LPCAT1: variants seen among roughly 807,000 people sequenced by gnomAD.
The protein encoded by LPCAT1 is 1-acylglycerol-3-phosphate O-acyltransferase.
A neutral mutation model predicts 60.9 loss-of-function variants in LPCAT1; 23 were observed. The ratio of observed to expected loss-of-function variants is 0.38; its 90% CI spans 0.27 to 0.53. The LOEUF (loss-of-function observed/expected upper bound fraction) is 0.53. LPCAT1 is among the 20% of genes least tolerant of loss of function. LPCAT1 has a pLI of 0.82. For missense variants in LPCAT1, 622 were observed against 723.6 expected (o/e 0.86, Z 1.61); for synonymous variants, 340 against 301.1 (o/e 1.13, Z -1.34).
intron 11 of LPCAT1, 47 bp from the exon 12 acceptor site, chr5:1,470,971 TG>T: frequency 6.5e-7 from 1 of 1,539,420 alleles, no homozygotes; most frequent in Non-Finnish European, 8.9e-7. Flanking sequence ...CCTTCGGCAC[TG>T]GAGAAACGCC....
chr5:1,496,040 A>T lies in LPCAT1; in HGVS notation c.279-1126T>A, dbSNP rs1021053090. Among the ~76,000 whole-genome samples the T allele has an allele frequency of 2.0e-5, 3 of 152,162 alleles. No individual in the cohort carries two copies. The highest frequency in any genetic ancestry group is 7.2e-5 in the African/African-American group (3 of 41,428). ...GGATTACACAGGTGTGCACTTCTTCACCACCTGTTCAGCTGCATATTTAAA... is the reference window on the plus strand; with the variant it reads ...GGATTACACAGGTGTGCACTTCTTCTCCACCTGTTCAGCTGCATATTTAAA... On this transcript the variant is annotated intron_variant, in intron 2 of 13. Transcript: ENST00000283415. This position sits in a 1 kb window ranked among gnomAD's most constrained non-coding sequence, Gnocchi z 4.7.
intron 9 of LPCAT1, 88 bp from the exon 10 acceptor site, chr5:1,474,773 G>T: frequency 6.6e-7 from 1 of 1,510,118 alleles, no homozygotes; most frequent in Non-Finnish European, 8.9e-7. Context: ...TGGCTCAGGG[G>T]AGAGGAGGGC....
intron 8 of LPCAT1, among the ~76,000 whole-genome samples, chr5:1,478,778 ACTCAT>A (rs1232601046): frequency 6.6e-6 from 1 of 152,242 alleles, no homozygotes; most frequent in East Asian, 1.9e-4. Flanking sequence ...GTTGCATGTG[ACTCAT>A]CTTTTATTTC....
chr5:1,503,738 T>C (rs1336709304), intron 1 of LPCAT1, among the ~76,000 whole-genome samples: 1 of 152,216 alleles, frequency 6.6e-6, no homozygotes, highest in Non-Finnish European at 1.5e-5. Context: ...AGAGTCCCTT[T>C]TTTTTTGGGT....
At position 1,489,755 on chromosome 5, in the gene LPCAT1, C is replaced by A; in HGVS notation, c.597G>T (p.Lys199Asn). The A allele has an allele frequency of 6.2e-7, 1 of 1,612,310 alleles. No individual in the cohort carries two copies. The highest frequency in any genetic ancestry group is 8.5e-7 in the Non-Finnish European group (1 of 1,178,228). The change falls in exon 4 of 14, where the codon AAG becomes AAT. Residue 199 changes from lysine (K) to asparagine (N), a missense_variant. Coordinates refer to ENST00000283415, the MANE Select transcript of LPCAT1 (RefSeq NM_024830.5). ...EIKRRAQSNG[K>N]WPQIMIFPEG... is the part of the protein sequence containing the mutation. ...GGGCTACGTGCATTACCTGTGGCCA[C>A]TTTCCGTTGGACTGCGCCCGTCTCT...
intron 4 of LPCAT1, among the ~76,000 whole-genome samples, chr5:1,488,850 C>T (rs1735465021): frequency 6.6e-6 from 1 of 152,104 alleles, no homozygotes; most frequent in Non-Finnish European, 1.5e-5. Context: ...GAGCAAAGAC[C>T]CACAAATGGC....
rs1025994269 is a variant in LPCAT1 at position 1,523,904 on chromosome 5, G to A, written c.-60C>T. 1.7e-4 allele frequency: 166 copies of A among 1,004,870 alleles called. 3 individuals are homozygous for A. The East Asian group carries it at 9.1e-3, about 55-fold the overall frequency. The allele number at this position is 1,004,870 out of a possible 1,614,324, so 62.2% of individuals were successfully genotyped here. On this transcript the variant is annotated 5_prime_UTR_variant, in exon 1 of 14. Transcript: ENST00000283415. The surrounding 1 kb of genome is among the most constrained non-coding windows in gnomAD (Gnocchi z 7.1). The stretch of plus-strand genomic sequence containing the variant: ...GCCTGGGGCGCCGAGCGGGGCCGGG[G>A]CTAGCTGGGCGCGGGTCTCGGGGCG...
chr5:1,463,985 G>A, intron 13 of LPCAT1, 150 bp from the exon 14 acceptor site: 1 of 817,496 alleles, frequency 1.2e-6, no homozygotes, highest in Non-Finnish European at 2.0e-6. Flanking sequence ...TTTCAGGGTG[G>A]AGAGAAGAAC....
chr5:1,493,751 C>G (rs551022673), intron 3 of LPCAT1, among the ~76,000 whole-genome samples: 1 of 152,366 alleles, frequency 6.6e-6, no homozygotes, highest in South Asian at 2.1e-4. Flanking sequence ...ACAGTCCTCC[C>G]AGAGCAGTGG....
intron 1 of LPCAT1, among the ~76,000 whole-genome samples, chr5:1,509,968 G>A (rs572349802): frequency 1.9e-4 from 29 of 152,318 alleles, no homozygotes; most frequent in African/African-American, 6.7e-4. Flanking sequence ...GCCACATCAC[G>A]GGGACGGTTT....
rs914625056 is a variant in LPCAT1 at position 1,521,273 on chromosome 5, C to A, written c.135+2437G>T. On this transcript the variant is annotated intron_variant, in intron 1 of 13. Coordinates refer to ENST00000283415, the MANE Select transcript of LPCAT1 (RefSeq NM_024830.5). This position sits in a 1 kb window ranked among gnomAD's most constrained non-coding sequence, Gnocchi z 4.3. Reference sequence around the variant, plus strand: ...CTGGCTGGAGGAGGAGGTGTCCCCGCATGGCGCTAATCCGAAGACACACAG... The same window carrying A: ...CTGGCTGGAGGAGGAGGTGTCCCCGAATGGCGCTAATCCGAAGACACACAG... 9.5e-6 allele frequency: 9 copies of A among 945,266 alleles called. No homozygotes were observed. In the Admixed American group the frequency reaches 2.5e-4, roughly 26 times the overall value. 58.6% of individuals were successfully genotyped at this position (945,266 alleles called of 1,614,324 possible).
Position 1,495,334 on chromosome 5 carries a change from G to A in LPCAT1, c.279-420C>T, listed in dbSNP as rs200038239. ...CCTAAAACGCATATCGCAATATGGG[G>A]GGGGGGGCGCTCAGAGCTGAGGGCG... On this transcript the variant is annotated intron_variant, in intron 2 of 13. Transcript: ENST00000283415. The surrounding 1 kb of genome is among the most constrained non-coding windows in gnomAD (Gnocchi z 4.7). Among the ~76,000 whole-genome samples, 1 of 151,396 alleles carries A rather than the reference G, an allele frequency of 6.6e-6. No homozygotes were observed. Among genetic ancestry groups the A allele is most frequent in the Non-Finnish European group, 1.5e-5 (1 of 67,890 alleles).
rs1180171359 is a variant in LPCAT1 at position 1,496,561 on chromosome 5, G to A, written c.279-1647C>T. Among the ~76,000 whole-genome samples, 1 of 152,132 alleles carries A rather than the reference G, an allele frequency of 6.6e-6. No individual in the cohort carries two copies. Among genetic ancestry groups the A allele is most frequent in the African/African-American group, 2.4e-5 (1 of 41,424 alleles). On this transcript the variant is annotated intron_variant, in intron 2 of 13. Coordinates refer to ENST00000283415, the MANE Select transcript of LPCAT1 (RefSeq NM_024830.5). This position sits in a 1 kb window ranked among gnomAD's most constrained non-coding sequence, Gnocchi z 4.7. ...CAGGAGCCAGTCTCGGGCAGGTTCA[G>A]GGGCAGGAGAGAGGACAGCAGGAAA...
intron 3 of LPCAT1, 120 bp downstream of exon 3, chr5:1,494,555 GCAACAGAGGGGGTCTCACTCATTCC>G (rs1387402011): frequency 1.2e-5 from 9 of 720,134 alleles, no homozygotes; most frequent in Non-Finnish European, 2.1e-5. Flanking sequence ...CTCATTGCCA[GCAACAGAGGGGGTCTCACTCATTCC>G]CAACAGAGGG....
In LPCAT1 at chr5:1,487,993, G is replaced by A. The variant is rs1428305623; in HGVS notation, c.667+398C>T. Among the ~76,000 whole-genome samples the A allele has an allele frequency of 6.6e-6, 1 of 152,178 alleles. No individual in the cohort carries two copies. The highest frequency in any genetic ancestry group is 1.5e-5 in the Non-Finnish European group (1 of 68,024). ...TGGGGACCTGGGGACCTGGGCATCT[G>A]AGGATGGCTCGCAGGGATTTGCACC... On this transcript the variant is annotated intron_variant, in intron 5 of 13. Transcript: ENST00000283415. This position sits in a 1 kb window ranked among gnomAD's most constrained non-coding sequence, Gnocchi z 6.1.
chr5:1,513,861 C>A (rs754424595), intron 1 of LPCAT1, among the ~76,000 whole-genome samples: 2 of 149,772 alleles, frequency 1.3e-5, no homozygotes, highest in African/African-American at 2.5e-5. Context: ...ACCCGTGGGG[C>A]AGGACACCCT....
intron 1 of LPCAT1, among the ~76,000 whole-genome samples, chr5:1,513,357 C>A (rs1005463294): frequency 3.9e-5 from 6 of 152,312 alleles, no homozygotes; most frequent in African/African-American, 1.2e-4. Flanking sequence ...AGAGATTCCA[C>A]AATACAGGCT....
In LPCAT1 at chr5:1,466,806, T is replaced by C. The variant is rs780580539; in HGVS notation, c.1363A>G (p.Thr455Ala). The C allele has an allele frequency of 8.1e-6, 13 of 1,613,074 alleles. No individual in the cohort carries two copies. In the African/African-American group the frequency reaches 1.7e-4, roughly 22 times the overall value. The change falls in exon 13 of 14, where the codon ACC becomes GCC. Residue 455 changes from threonine to alanine, a missense_variant. Transcript: ENST00000283415. ...ATGGCTCGGAATAGGTCGGTCACGG[T>C]GAGCTCTGCCACCCCCAGGGCCGTC... is the stretch of plus-strand genomic sequence containing the variant. ...LKTALGVAEL[T>A]VTDLFRAIDQ...
intron 1 of LPCAT1, chr5:1,510,828 C>G (rs901474854): frequency 1.3e-5 from 2 of 152,728 alleles, no homozygotes; most frequent in African/African-American, 4.8e-5. Context: ...ACCTGGAGGG[C>G]AGGCAGGCCT....
Sources: gnomAD v4.1 joint callset for allele counts (sites outside exome capture counted in the v4.1 genomes callset) on GRCh38, gnomAD v4.1.1 for gene constraint, Gnocchi (gnomAD v3.1) non-coding constraint, MANE v1.5 for transcripts, NCBI Gene and HGNC (gene_info 2026-07-23, HGNC 2026-07-21) for gene names.